The following NKAIN3 variants were observed in gnomAD, a reference collection of about 807,000 sequenced individuals.
The protein encoded by NKAIN3 is sodium/potassium transporting ATPase interacting 3, also known as sodium/potassium-transporting ATPase subunit beta-1-interacting protein 3.
Under a neutral mutation model 30.2 loss-of-function variants are expected in NKAIN3, and 25 were observed. The ratio of observed to expected loss-of-function variants is 0.83; its 90% CI spans 0.60 to 1.16. The LOEUF (loss-of-function observed/expected upper bound fraction) is 1.16, where lower values mean the gene tolerates loss of function less well. NKAIN3 is among the 50% of genes most tolerant of loss of function. The pLI is 0.00. For synonymous variants in NKAIN3, 91 were observed against 89.6 expected (o/e 1.02, Z -0.09); for missense variants, 225 against 254.1 (o/e 0.89, Z 0.78).
At chr8:62,360,810 T>G (rs149380142) in intron 1 of NKAIN3, among the ~76,000 whole-genome samples, 45 of 152,284 alleles carry the variant, frequency 3.0e-4, no homozygotes, top group African/African-American at 1.0e-3. Context: ...GCCCCTGTAT[T>G]GGGTGCATAT....
intron 1 of NKAIN3, among the ~76,000 whole-genome samples, chr8:62,489,765 T>C (rs1360551288): frequency 6.6e-6 from 1 of 152,234 alleles, no homozygotes; most frequent in Non-Finnish European, 1.5e-5. Flanking sequence ...TTTCTTGACA[T>C]GCAAACTTAA....
At chr8:62,423,946 T>C (rs1804724275) in intron 1 of NKAIN3, among the ~76,000 whole-genome samples, 1 of 152,054 alleles carries the variant, frequency 6.6e-6, no homozygotes, top group African/African-American at 2.4e-5. Context: ...GTGGGAGTAG[T>C]TCTCCAGCTG....
At position 62,502,784 on chromosome 8, in the gene NKAIN3, C is replaced by G. The variant is rs1807501378; in HGVS notation, c.55-76755C>G. 2.0e-5 allele frequency among the ~76,000 whole-genome samples: 3 copies of G among 152,180 alleles called. No individual in the cohort carries two copies. In the South Asian group the frequency reaches 6.2e-4, roughly 31 times the overall value. ...TGATGGGCACAGATGTTCCTCTGGA[C>G]TTCCAAATTCAATGTGTTCGAAGTG... is the stretch of plus-strand genomic sequence containing the variant. On this transcript the variant is annotated intron_variant, in intron 1 of 6. Transcript: ENST00000623646.
intron 3 of NKAIN3, among the ~76,000 whole-genome samples, chr8:62,665,282 C>G (rs1175101346): frequency 6.6e-6 from 1 of 152,106 alleles, no homozygotes; most frequent in Non-Finnish European, 1.5e-5. Context: ...TCCCTTCTAT[C>G]AGTCTGAAGC....
At position 62,843,501 on chromosome 8, in the gene NKAIN3, T is replaced by C. The variant is rs527472725; in HGVS notation, c.472-74952T>C. ...ACAGGCACATGCCACCACACCTAGC[T>C]GATTTTTATATTTTTAGTAAAGACG... On this transcript the variant is annotated intron_variant, in intron 4 of 6. Coordinates refer to ENST00000623646, the MANE Select transcript of NKAIN3 (RefSeq NM_001304533.3). Among the ~76,000 whole-genome samples, 17 of 151,872 alleles carry C rather than the reference T, an allele frequency of 1.1e-4. No homozygotes were observed. The South Asian group carries it at 3.5e-3, about 32-fold the overall frequency.
chr8:62,426,873 T>G (rs2129597202), intron 1 of NKAIN3, among the ~76,000 whole-genome samples: 1 of 152,070 alleles, frequency 6.6e-6, no homozygotes, highest in East Asian at 1.9e-4. Flanking sequence ...CAGGAAGAAA[T>G]TATGTGCTAC....
At chr8:62,880,904 T>C (rs1438728302) in intron 4 of NKAIN3, among the ~76,000 whole-genome samples, 1 of 152,168 alleles carries the variant, frequency 6.6e-6, no homozygotes, top group Non-Finnish European at 1.5e-5. Context: ...GTATATTTAA[T>C]TTACATGCCA....
intron 1 of NKAIN3, among the ~76,000 whole-genome samples, chr8:62,562,460 C>T (rs1439558736): frequency 3.9e-5 from 6 of 152,068 alleles, no homozygotes; most frequent in South Asian, 2.1e-4. Context: ...CTTTTTCTAA[C>T]GTTTTCATTA....
intron 1 of NKAIN3, among the ~76,000 whole-genome samples, chr8:62,384,106 G>A (rs142379771): frequency 1.3e-3 from 196 of 152,196 alleles, no homozygotes; most frequent in African/African-American, 4.2e-3. Context: ...CAGTAAATAT[G>A]ATGAAAAATA....
intron 4 of NKAIN3, among the ~76,000 whole-genome samples, chr8:62,851,053 G>A (rs1462698750): frequency 1.3e-5 from 2 of 151,946 alleles, no homozygotes; most frequent in African/African-American, 2.4e-5. Flanking sequence ...GGGCAGTATG[G>A]CCATTTTCAC....
chr8:62,261,444 C>T (rs963170265), intron 1 of NKAIN3, among the ~76,000 whole-genome samples: 1 of 152,124 alleles, frequency 6.6e-6, no homozygotes, highest in African/African-American at 2.4e-5. Flanking sequence ...TAGAATCTCT[C>T]ACTATGAGGG....
intron 3 of NKAIN3, among the ~76,000 whole-genome samples, chr8:62,623,249 AGGTCTTT>A (rs2130237424): frequency 6.6e-6 from 1 of 152,210 alleles, no homozygotes; most frequent in Non-Finnish European, 1.5e-5. Context: ...TAAGCTGGAG[AGGTCTTT>A]GACCAACCAA....
At chr8:62,280,727 A>G (rs868183259) in intron 1 of NKAIN3, among the ~76,000 whole-genome samples, 7 of 152,182 alleles carry the variant, frequency 4.6e-5, no homozygotes, top group African/African-American at 1.7e-4. Flanking sequence ...GATAAAGCCA[A>G]CTTGATCGTG....
chr8:62,546,392 C>T (rs933793926), intron 1 of NKAIN3, among the ~76,000 whole-genome samples: 1 of 152,156 alleles, frequency 6.6e-6, no homozygotes, highest in Admixed American at 6.5e-5. Context: ...ATGGCTGTTG[C>T]ATTTCTGATC....
chr8:62,572,718 C>A (rs1406764217), intron 1 of NKAIN3, among the ~76,000 whole-genome samples: 1 of 151,606 alleles, frequency 6.6e-6, no homozygotes, highest in Non-Finnish European at 1.5e-5. Flanking sequence ...GGGAACCTCC[C>A]CTTTTTAAAA....
intron 4 of NKAIN3, among the ~76,000 whole-genome samples, chr8:62,773,628 T>G (rs1817092116): frequency 6.6e-6 from 1 of 152,134 alleles, no homozygotes; most frequent in Non-Finnish European, 1.5e-5. Flanking sequence ...AGATCTTTCC[T>G]GTGCTGTTCT....
At position 62,249,103 on chromosome 8, in the gene NKAIN3, C is replaced by T. The variant is rs1463314791; in HGVS notation, c.30C>T (p.Leu10=). 6.5e-7 allele frequency: 1 copy of T among 1,539,250 alleles called. No individual in the cohort carries two copies. Among genetic ancestry groups the T allele is most frequent in the Non-Finnish European group, 8.7e-7 (1 of 1,144,178 alleles). The change falls in exon 1 of 7, where the codon CTC becomes CTT. Residue 10 remains leucine, a synonymous_variant. Coordinates refer to ENST00000623646, the MANE Select transcript of NKAIN3 (RefSeq NM_001304533.3). ...GCTGCTGCACCGGACGCTGCTCGCTCATCTGCCTCTGCGCGCTGCAGTTGG... is the reference window on the plus strand; with the variant it reads ...GCTGCTGCACCGGACGCTGCTCGCTTATCTGCCTCTGCGCGCTGCAGTTGG... MGCCTGRCS[L]ICLCALQLVS...
chr8:62,500,105 G>A (rs775285746), intron 1 of NKAIN3, among the ~76,000 whole-genome samples: 8 of 152,164 alleles, frequency 5.3e-5, no homozygotes, highest in South Asian at 2.1e-4. Context: ...GGTCCTATTC[G>A]CAGAATGCCA....
At chr8:62,696,066 ATGTT>A (rs1436425940) in intron 3 of NKAIN3, among the ~76,000 whole-genome samples, 1 of 152,120 alleles carries the variant, frequency 6.6e-6, no homozygotes, top group East Asian at 1.9e-4. Context: ...CAAACATACA[ATGTT>A]TGTATTGGGG....
Sources: allele counts gnomAD v4.1 joint callset (sites outside exome capture counted in the v4.1 genomes callset), GRCh38; gene constraint gnomAD v4.1.1; transcripts MANE v1.5; gene names NCBI Gene and HGNC (gene_info 2026-07-23, HGNC 2026-07-21).